Variants in GNB1L observed in about 807,000 individuals in gnomAD.
GNB1L encodes the protein G protein subunit beta 1 like.
Under a neutral mutation model 29.1 loss-of-function variants are expected in GNB1L, and 20 were observed. The observed-to-expected ratio is 0.69, with a 90% CI of 0.48 to 1.00. The LOEUF (loss-of-function observed/expected upper bound fraction) is 1.00. Among genes scored for constraint, GNB1L ranks in the 50% least tolerant of loss-of-function variants. The probability of loss-of-function intolerance (pLI) is 0.00; values close to 1 mark genes in which losing one functional copy is unlikely to be tolerated. For missense variants in GNB1L, 421 were observed against 464.9 expected (o/e 0.91, Z 0.87); for synonymous variants, 193 against 206.5 (o/e 0.93, Z 0.56).
intron 2 of GNB1L, among the ~76,000 whole-genome samples, chr22:19,827,207 G>T (rs1375487835): frequency 3.9e-5 from 6 of 152,056 alleles, no homozygotes; most frequent in African/African-American, 1.4e-4. Context: ...AGATACATCC[G>T]AAAGTATTTA....
At chr22:19,846,522 C>T (rs1380949714) in intron 2 of GNB1L, 6 of 985,342 alleles carry the variant, frequency 6.1e-6, no homozygotes, top group Middle Eastern at 5.2e-4. Context: ...CCCAATATAG[C>T]GCTGCCAGGA....
At position 19,847,919 on chromosome 22, in the gene GNB1L, G is replaced by T; in HGVS notation, c.-21+6524C>A. 3.0e-6 allele frequency: 3 copies of T among 984,018 alleles called. No individual in the cohort carries two copies. In the South Asian group the frequency reaches 1.4e-4, roughly 46 times the overall value. 61.0% of individuals were successfully genotyped at this position (984,018 alleles called of 1,614,324 possible). On this transcript the variant is annotated intron_variant, in intron 2 of 7. Transcript: ENST00000329517. ...GGCATAAAGAGTGAGGCACATACATGGCTTTACTATTTTCCAGAGGGCCAA... is the reference window on the plus strand; with the variant it reads ...GGCATAAAGAGTGAGGCACATACATTGCTTTACTATTTTCCAGAGGGCCAA...
chr22:19,798,766 C>G (rs1021015431), intron 7 of GNB1L, among the ~76,000 whole-genome samples: 1 of 152,188 alleles, frequency 6.6e-6, no homozygotes, highest in African/African-American at 2.4e-5. Context: ...GACCAGCTTC[C>G]CGCAGGAAAT....
At chr22:19,805,230 C>T (rs981893415) in intron 6 of GNB1L, among the ~76,000 whole-genome samples, 11 of 152,218 alleles carry the variant, frequency 7.2e-5, no homozygotes, top group Admixed American at 6.5e-4. Flanking sequence ...CCAAGTGAAC[C>T]TTCTCAGTCA....
At chr22:19,827,984 A>C (rs989039929) in intron 2 of GNB1L, among the ~76,000 whole-genome samples, 1 of 152,246 alleles carries the variant, frequency 6.6e-6, no homozygotes, top group Admixed American at 6.5e-5. Flanking sequence ...AATACTCCAC[A>C]GAACTGAAAA....
At chr22:19,840,809 C>CA (rs146369509) in intron 2 of GNB1L, among the ~76,000 whole-genome samples, 1,753 of 125,722 alleles carry the variant, frequency 0.014, 26 homozygotes, top group African/African-American at 0.045. Context: ...AACTCCGTCT[C>CA]AAAAAAAAAA....
intron 6 of GNB1L, among the ~76,000 whole-genome samples, chr22:19,805,277 G>A (rs536076654): frequency 5.3e-5 from 8 of 152,320 alleles, no homozygotes; most frequent in East Asian, 3.9e-4. Context: ...AGTAAGGGGC[G>A]CCCACTTTCT....
chr22:19,827,428 T>C (rs184590109), intron 2 of GNB1L, among the ~76,000 whole-genome samples: 1 of 152,268 alleles, frequency 6.6e-6, no homozygotes, highest in East Asian at 1.9e-4. Context: ...CATAAAAGCA[T>C]GCCAGAGGGG....
intron 2 of GNB1L, among the ~76,000 whole-genome samples, chr22:19,854,139 G>A (rs1246604193): frequency 6.6e-6 from 1 of 152,124 alleles, no homozygotes; most frequent in Non-Finnish European, 1.5e-5. Context: ...CAGTCTGTTG[G>A]TCCCCCTACT....
chr22:19,803,065 C>T (rs1043818897), intron 6 of GNB1L, among the ~76,000 whole-genome samples: 3 of 152,198 alleles, frequency 2.0e-5, no homozygotes, highest in African/African-American at 4.8e-5. Context: ...AGTCCTCAGA[C>T]ACCACAAGGA....
intron 7 of GNB1L, among the ~76,000 whole-genome samples, chr22:19,793,324 C>G (rs536690656): frequency 6.6e-6 from 1 of 151,972 alleles, no homozygotes; most frequent in East Asian, 1.9e-4. Context: ...ATAGGCTTAA[C>G]AGTAGATTGG....
intron 2 of GNB1L, chr22:19,850,469 C>G (rs1938067825): frequency 9.9e-7 from 1 of 1,009,832 alleles, no homozygotes; most frequent in African/African-American, 1.7e-5. Flanking sequence ...ACGATTAGAG[C>G]TACAGTGTTA....
At chr22:19,830,176 A>C (rs1477366355) in intron 2 of GNB1L, among the ~76,000 whole-genome samples, 1 of 152,038 alleles carries the variant, frequency 6.6e-6, no homozygotes, top group Non-Finnish European at 1.5e-5. Flanking sequence ...TAGCCATTGC[A>C]CTCCAGCCTC....
intron 7 of GNB1L, among the ~76,000 whole-genome samples, chr22:19,800,394 G>A (rs527475695): frequency 6.6e-6 from 1 of 152,334 alleles, no homozygotes; most frequent in African/African-American, 2.4e-5. Context: ...GGCTGGTGAA[G>A]GACAAGCCAG....
chr22:19,840,912 A>C (rs1198105847), intron 2 of GNB1L, among the ~76,000 whole-genome samples: 1 of 152,222 alleles, frequency 6.6e-6, no homozygotes, highest in Non-Finnish European at 1.5e-5. Flanking sequence ...TAATCGTGAG[A>C]AGAACACAAC....
chr22:19,802,459 G>A (rs1022387985), intron 6 of GNB1L, among the ~76,000 whole-genome samples: 2 of 152,226 alleles, frequency 1.3e-5, no homozygotes, highest in African/African-American at 2.4e-5. Context: ...AAGGACATAG[G>A]GGTGGAGGGC....
rs189535267 is a variant in GNB1L, at chr22:19,848,907, G to A, written c.-21+5536C>T. On this transcript the variant is annotated intron_variant, in intron 2 of 7. Coordinates refer to ENST00000329517, the MANE Select transcript of GNB1L (RefSeq NM_053004.3). Reference sequence around the variant, plus strand: ...TGTGGGACAGGGTAAAGGTCAGCTGGGTGACTAGGCTGTCCATCCTAGAGA... The same window carrying A: ...TGTGGGACAGGGTAAAGGTCAGCTGAGTGACTAGGCTGTCCATCCTAGAGA... 473 of 985,410 alleles carry A rather than the reference G, an allele frequency of 4.8e-4. 2 individuals are homozygous for A. The African/African-American group carries it at 7.9e-3, about 16-fold the overall frequency. 61.0% of individuals were successfully genotyped at this position (985,410 alleles called of 1,614,324 possible).
intron 4 of GNB1L, 113 bp downstream of exon 4, chr22:19,820,485 C>T: frequency 1.6e-6 from 2 of 1,221,006 alleles, no homozygotes; most frequent in Non-Finnish European, 2.3e-6. Context: ...TTGCTGGCCC[C>T]TTCTGGTTCC....
chr22:19,831,904 CA>C (rs780394887), intron 2 of GNB1L, among the ~76,000 whole-genome samples: 6 of 151,928 alleles, frequency 3.9e-5, no homozygotes, highest in Non-Finnish European at 7.4e-5. Flanking sequence ...GATGTTCAAC[CA>C]AAAGCTTACT....
Sources: gnomAD v4.1 joint callset for allele counts (sites outside exome capture counted in the v4.1 genomes callset) on GRCh38, gnomAD v4.1.1 for gene constraint, MANE v1.5 for transcripts, NCBI Gene and HGNC (gene_info 2026-07-23, HGNC 2026-07-21) for gene names.